SYT16: variants seen among roughly 807,000 people sequenced by gnomAD.
The protein encoded by SYT16 is synaptotagmin-16.
Under a neutral mutation model 61.4 loss-of-function variants are expected in SYT16, and 42 were observed. The ratio of observed to expected loss-of-function variants is 0.68; its 90% CI spans 0.53 to 0.89. The LOEUF (loss-of-function observed/expected upper bound fraction) is 0.89, where lower values mean the gene tolerates loss of function less well. SYT16 is among the 40% of genes least tolerant of loss of function. The pLI is 0.00. For missense variants in SYT16, 804 were observed against 807.3 expected (o/e 1.00, Z 0.05); for synonymous variants, 314 against 302.3 (o/e 1.04, Z -0.40).
At chr14:61,901,762 A>AATAATAATAATAATAATAATT (rs1010775490) in intron 1 of SYT16, among the ~76,000 whole-genome samples, 1 of 138,850 alleles carries the variant, frequency 7.2e-6, no homozygotes, top group African/African-American at 2.9e-5. Flanking sequence ...TAATAATAAT[A>AATAATAATAATAATAATAATT]ATTATTATTA....
intron 3 of SYT16, among the ~76,000 whole-genome samples, chr14:62,050,345 G>C (rs2055216858): frequency 6.6e-6 from 1 of 152,064 alleles, no homozygotes; most frequent in Non-Finnish European, 1.5e-5. Flanking sequence ...GGACTTCTCT[G>C]CATTGGTTAT....
At chr14:62,017,468 A>G (rs141637733) in intron 3 of SYT16, among the ~76,000 whole-genome samples, 317 of 152,346 alleles carry the variant, frequency 2.1e-3, no homozygotes, top group African/African-American at 7.3e-3. Context: ...TAGTGTGTCC[A>G]AATCTGAATT....
At chr14:61,920,828 C>G (rs750821998) in intron 1 of SYT16, among the ~76,000 whole-genome samples, 5 of 152,168 alleles carry the variant, frequency 3.3e-5, no homozygotes, top group Non-Finnish European at 7.4e-5. Context: ...ATTCTTGTTT[C>G]CATTTTACAG....
At chr14:61,882,382 G>T (rs80283702) in intron 1 of SYT16, among the ~76,000 whole-genome samples, 6,663 of 152,240 alleles carry the variant, frequency 0.044, 204 homozygotes, top group Middle Eastern at 0.095. Context: ...TCACAGGGCA[G>T]CAGGACAGAA....
At chr14:62,011,926 C>CACATATATATATATATATATATATAT (rs1555370087) in intron 3 of SYT16, among the ~76,000 whole-genome samples, 20 of 132,802 alleles carry the variant, frequency 1.5e-4, no homozygotes, top group Non-Finnish European at 2.0e-4. Context: ...CACACACACA[C>CACATATATATATATATATATATATAT]ATATATATAT....
intron 1 of SYT16, among the ~76,000 whole-genome samples, chr14:61,906,707 A>C (rs199794335): frequency 1.2e-5 from 1 of 81,920 alleles, no homozygotes; most frequent in African/African-American, 3.0e-5. Context: ...CCATCCATCC[A>C]TCCTTCCATC....
intron 2 of SYT16, among the ~76,000 whole-genome samples, chr14:61,988,876 A>C (rs2052429650): frequency 1.2e-5 from 1 of 82,804 alleles, no homozygotes; most frequent in South Asian, 3.4e-4. Context: ...TCACTATCTA[A>C]TCGCATTTTT....
chr14:61,939,366 GAA>G (rs2050119705), intron 1 of SYT16, among the ~76,000 whole-genome samples: 1 of 152,172 alleles, frequency 6.6e-6, no homozygotes, highest in Non-Finnish European at 1.5e-5. Flanking sequence ...TACAGTTTAC[GAA>G]AGACACTGTA....
intron 1 of SYT16, among the ~76,000 whole-genome samples, chr14:61,956,687 C>T (rs1423465693): frequency 4.6e-5 from 7 of 151,974 alleles, no homozygotes; most frequent in African/African-American, 7.2e-5. Context: ...AAGTGCCATG[C>T]TGTTTTGATG....
At chr14:62,024,012 A>G (rs1397194035) in intron 3 of SYT16, among the ~76,000 whole-genome samples, 1 of 152,150 alleles carries the variant, frequency 6.6e-6, no homozygotes, top group Non-Finnish European at 1.5e-5. Flanking sequence ...GTGTCTTTAA[A>G]ATATGCCTTT....
chr14:62,100,740 C>T lies in SYT16; in HGVS notation c.*33C>T. 1 of 1,586,876 alleles carries T rather than the reference C, an allele frequency of 6.3e-7. No individual in the cohort carries two copies. The highest frequency in any genetic ancestry group is 1.3e-5 in the African/African-American group (1 of 74,588). On this transcript the variant is annotated 3_prime_UTR_variant, in exon 8 of 8. Coordinates refer to ENST00000683842, the MANE Select transcript of SYT16 (RefSeq NM_001367656.1). ...AACCTGCATTTGTGTGCTGTGTCCA[C>T]CTTGGTTACCTGTGTTGCTGTCTAC...
intron 1 of SYT16, among the ~76,000 whole-genome samples, chr14:61,840,056 T>C (rs7140761): frequency 2.1e-3 from 324 of 152,198 alleles, no homozygotes; most frequent in African/African-American, 7.4e-3. Context: ...ATAAGACATT[T>C]TGGAGACAGA....
chr14:61,902,184 C>T (rs1375678572), intron 1 of SYT16, among the ~76,000 whole-genome samples: 1 of 152,200 alleles, frequency 6.6e-6, no homozygotes, highest in African/African-American at 2.4e-5. Flanking sequence ...TACCTCCATT[C>T]ATTCTCTATG....
At chr14:62,011,922 C>CATATATATATATATATATATATAT (rs1566762614) in intron 3 of SYT16, among the ~76,000 whole-genome samples, 1 of 92,618 alleles carries the variant, frequency 1.1e-5, no homozygotes, top group African/African-American at 4.7e-5. Context: ...TACACACACA[C>CATATATATATATATATATATATAT]ACACATATAT....
intron 1 of SYT16, among the ~76,000 whole-genome samples, chr14:61,886,980 C>A (rs1251540761): frequency 6.8e-6 from 1 of 148,024 alleles, no homozygotes; most frequent in Non-Finnish European, 1.5e-5. Context: ...CTCAAGCTAT[C>A]CTCCCGCCTC....
At chr14:61,835,602 T>TA (rs1198022176) in intron 1 of SYT16, among the ~76,000 whole-genome samples, 1 of 152,002 alleles carries the variant, frequency 6.6e-6, no homozygotes, top group African/African-American at 2.4e-5. Context: ...ATCACCTTTT[T>TA]ATGGCCATTT....
At chr14:61,878,013 A>G (rs1007174888) in intron 1 of SYT16, among the ~76,000 whole-genome samples, 3 of 152,124 alleles carry the variant, frequency 2.0e-5, no homozygotes, top group Admixed American at 6.5e-5. Context: ...CTGCCAGTAT[A>G]CCTGCCCTGG....
intron 3 of SYT16, among the ~76,000 whole-genome samples, chr14:62,054,623 A>G (rs2055464213): frequency 6.6e-6 from 1 of 152,076 alleles, no homozygotes; most frequent in Non-Finnish European, 1.5e-5. Context: ...TGGCCTCCCA[A>G]AGTGCTGGGA....
intron 3 of SYT16, 76 bp downstream of exon 3, chr14:61,996,618 A>G: frequency 6.7e-7 from 1 of 1,496,890 alleles, no homozygotes; most frequent in Non-Finnish European, 8.9e-7. Flanking sequence ...ACTTGTTTTT[A>G]GTTATCATGT....
Sources: gnomAD v4.1 joint callset for allele counts (sites outside exome capture counted in the v4.1 genomes callset) on GRCh38, gnomAD v4.1.1 for gene constraint, MANE v1.5 for transcripts, NCBI Gene and HGNC (gene_info 2026-07-23, HGNC 2026-07-21) for gene names.